PTPRC: variants seen among roughly 807,000 people sequenced by gnomAD.
The protein encoded by PTPRC is protein tyrosine phosphatase receptor type C.
A neutral mutation model predicts 155.9 loss-of-function variants in PTPRC; 44 were observed. That is an observed-to-expected ratio of 0.28 (90% CI 0.22 to 0.36). The LOEUF is 0.36. PTPRC is among the 10% of genes least tolerant of loss of function. The pLI, the probability that PTPRC is intolerant of heterozygous loss-of-function variation, is 1.00. For synonymous variants in PTPRC, 525 were observed against 533.1 expected, an observed-to-expected ratio of 0.98 and a Z score of 0.21; for missense variants, 1,401 against 1,564.6, an observed-to-expected ratio of 0.90 and a Z score of 1.76.
intron 22 of PTPRC, among the ~76,000 whole-genome samples, chr1:198,734,833 C>A (rs991512023): frequency 1.3e-5 from 2 of 151,686 alleles, no homozygotes; most frequent in African/African-American, 4.8e-5. Context: ...CTAAAATTAA[C>A]CACAAGCAAT....
At chr1:198,658,125 T>C (rs1460257251) in intron 2 of PTPRC, among the ~76,000 whole-genome samples, 1 of 152,182 alleles carries the variant, frequency 6.6e-6, no homozygotes, top group Non-Finnish European at 1.5e-5. Context: ...TTAGTTTCTT[T>C]CTGCTTTAAG....
rs374951341 is a variant in PTPRC, at chr1:198,718,319, T to A, written c.1659+17T>A. ...ACTTTTAAGGTAAAAGTATGCTCTC[T>A]ACATTACTATAGTACCAACTACATT... On this transcript the variant is annotated intron_variant, in intron 14 of 32. Coordinates refer to ENST00000442510, the MANE Select transcript of PTPRC (RefSeq NM_002838.5). The A allele has an allele frequency of 6.4e-7, 1 of 1,565,610 alleles. No individual in the cohort carries two copies. Among genetic ancestry groups the A allele is most frequent in the African/African-American group, 1.4e-5 (1 of 73,886 alleles).
At chr1:198,717,989 C>A in intron 13 of PTPRC, 105 bp from the exon 14 acceptor site, 1 of 965,724 alleles carries the variant, frequency 1.0e-6, no homozygotes, top group South Asian at 1.4e-5. Flanking sequence ...TTTATAACCC[C>A]CAAGCTAACA....
chr1:198,698,942 A>G (rs1326486188), intron 4 of PTPRC, among the ~76,000 whole-genome samples: 1 of 152,174 alleles, frequency 6.6e-6, no homozygotes, highest in Non-Finnish European at 1.5e-5. Flanking sequence ...GTGAGTATGC[A>G]AGAGACCGTG....
At chr1:198,719,724 C>T (rs1401668880) in intron 14 of PTPRC, among the ~76,000 whole-genome samples, 3 of 151,982 alleles carry the variant, frequency 2.0e-5, no homozygotes, top group Non-Finnish European at 2.9e-5. Context: ...GATTCTCCTG[C>T]CTCAGCCTCC....
At chr1:198,749,310 C>T in intron 27 of PTPRC, 106 bp from the exon 28 acceptor site, 1 of 1,158,178 alleles carries the variant, frequency 8.6e-7, no homozygotes, top group Non-Finnish European at 1.3e-6. Flanking sequence ...AGTAAGTTTT[C>T]ATAATACAAT....
intron 15 of PTPRC, among the ~76,000 whole-genome samples, chr1:198,724,015 A>G (rs1490447189): frequency 1.3e-5 from 2 of 152,162 alleles, no homozygotes; most frequent in Admixed American, 1.3e-4. Flanking sequence ...GTTCACATAT[A>G]GCACTCCCTG....
intron 2 of PTPRC, among the ~76,000 whole-genome samples, chr1:198,651,281 A>G (rs1395687909): frequency 8.4e-6 from 1 of 118,930 alleles, no homozygotes; most frequent in South Asian, 3.1e-4. Context: ...CAATACTTGA[A>G]CAGATTGGGA....
At chr1:198,749,318 A>AATC in intron 27 of PTPRC, 98 bp from the exon 28 acceptor site, 5 of 1,224,770 alleles carry the variant, frequency 4.1e-6, no homozygotes, top group Non-Finnish European at 5.9e-6. Context: ...TTCATAATAC[A>AATC]ATCTGTCCCT....
rs915571136 is a variant in PTPRC, at chr1:198,729,027, C to A, written c.1830-110C>A. On this transcript the variant is annotated intron_variant, in intron 16 of 32. Coordinates refer to ENST00000442510, the MANE Select transcript of PTPRC (RefSeq NM_002838.5). ...TCTCCTCTCTTCCCCTTTTCTTATC[C>A]CTGACTTCCTTCCTTTGTTCCTTCA... The A allele has an allele frequency of 3.2e-6, 4 of 1,236,846 alleles. No individual in the cohort carries two copies. In the Admixed American group the frequency reaches 6.4e-5, roughly 20 times the overall value. The allele number at this position is 1,236,846 out of a possible 1,614,324, so 76.6% of individuals were successfully genotyped here.
chr1:198,639,368 T>A (rs778513212), intron 2 of PTPRC, 27 bp downstream of exon 2: 11 of 1,523,706 alleles, frequency 7.2e-6, no homozygotes, highest in South Asian at 5.9e-5. Context: ...TAATATTTTT[T>A]AAATTATTTT....
intron 2 of PTPRC, among the ~76,000 whole-genome samples, chr1:198,639,879 T>C (rs193281924): frequency 6.6e-6 from 1 of 152,168 alleles, no homozygotes. Context: ...TTGAGATATT[T>C]AGTAAAATAT....
At chr1:198,675,779 A>G (rs1315900485) in intron 2 of PTPRC, among the ~76,000 whole-genome samples, 2 of 152,218 alleles carry the variant, frequency 1.3e-5, no homozygotes, top group African/African-American at 2.4e-5. Flanking sequence ...AAAGGCAAGC[A>G]TCTTCTTCCT....
intron 3 of PTPRC, chr1:198,694,123 C>A: frequency 6.5e-7 from 1 of 1,543,672 alleles, no homozygotes; most frequent in Non-Finnish European, 8.7e-7. Flanking sequence ...GCCCGAGAGC[C>A]CCTCACAAAC....
chr1:198,729,153 C>A lies in PTPRC; in HGVS notation c.1846C>A (p.Gln616Lys). ...TTTTCACAGCAATTTAGATGAACAGCAGGAGCTTGTTGAAAGGGGTAAGTA... is the reference window on the plus strand; with the variant it reads ...TTTTCACAGCAATTTAGATGAACAGAAGGAGCTTGTTGAAAGGGGTAAGTA... ...KKRSCNLDEQ[Q>K]ELVERDDEKQ... The change falls in exon 17 of 33, where the codon CAG becomes AAG. Residue 616 changes from glutamine to lysine, a missense_variant. Transcript: ENST00000442510. 6.2e-7 allele frequency: 1 copy of A among 1,611,112 alleles called. No homozygotes were observed. The highest frequency in any genetic ancestry group is 8.5e-7 in the Non-Finnish European group (1 of 1,178,402).
chr1:198,698,748 T>C (rs1051531699), intron 4 of PTPRC, among the ~76,000 whole-genome samples: 3 of 152,020 alleles, frequency 2.0e-5, no homozygotes, highest in African/African-American at 7.2e-5. Flanking sequence ...ATGTGTTGTG[T>C]GTATATATTT....
At chr1:198,647,736 T>G (rs1394105982) in intron 2 of PTPRC, among the ~76,000 whole-genome samples, 5 of 151,914 alleles carry the variant, frequency 3.3e-5, no homozygotes, top group Non-Finnish European at 7.4e-5. Context: ...GAGTATTTCA[T>G]TTGACTAGGA....
At chr1:198,685,329 A>C (rs1312874765) in intron 2 of PTPRC, among the ~76,000 whole-genome samples, 1 of 152,024 alleles carries the variant, frequency 6.6e-6, no homozygotes, top group East Asian at 1.9e-4. Flanking sequence ...CCCTATAAAA[A>C]AGGATAAATA....
At chr1:198,711,541 A>G (rs943524220) in intron 11 of PTPRC, among the ~76,000 whole-genome samples, 2 of 152,196 alleles carry the variant, frequency 1.3e-5, no homozygotes, top group African/African-American at 2.4e-5. Flanking sequence ...TTCTAATCAA[A>G]GACATAGGAG....
Sources: allele counts gnomAD v4.1 joint callset (sites outside exome capture counted in the v4.1 genomes callset), GRCh38; gene constraint gnomAD v4.1.1; transcripts MANE v1.5; gene names NCBI Gene and HGNC (gene_info 2026-07-23, HGNC 2026-07-21).